IQCM: variants seen among roughly 807,000 people sequenced by gnomAD.
IQCM encodes IQ motif containing M.
Under a neutral mutation model 57.6 loss-of-function variants are expected in IQCM, and 45 were observed. The ratio of observed to expected loss-of-function variants is 0.78; its 90% confidence interval spans 0.62 to 1.00. IQCM has a LOEUF of 1.00. IQCM is among the 50% of genes least tolerant of loss of function. The pLI, the probability that IQCM is intolerant of heterozygous loss-of-function variation, is 0.00. For missense variants in IQCM, 468 were observed against 511.6 expected (o/e 0.91, Z 0.82); for synonymous variants, 148 against 158.9 (o/e 0.93, Z 0.51).
rs144538687 is a variant in IQCM at position 149,643,511 on chromosome 4, C to T, written c.566-22267G>A. On this transcript the variant is annotated intron_variant, in intron 7 of 13. Coordinates refer to ENST00000636793, the MANE Select transcript of IQCM (RefSeq NM_001363507.2). The stretch of plus-strand genomic sequence containing the variant: ...ATTAAAGGTTGGTGAGTAGGTCCAC[C>T]AGGGAGTGAAAGAGATTCTGTTTCT... 9.8e-3 allele frequency among the ~76,000 whole-genome samples: 1,491 copies of T among 152,196 alleles called. 20 individuals are homozygous for T. The highest frequency in any genetic ancestry group is 0.038 in the Admixed American group (578 of 15,268).
At chr4:149,513,714 T>G (rs1268286227) in intron 12 of IQCM, among the ~76,000 whole-genome samples, 1 of 152,178 alleles carries the variant, frequency 6.6e-6, no homozygotes, top group Non-Finnish European at 1.5e-5. Flanking sequence ...AAAATGAATG[T>G]TACCATCATG....
At chr4:149,707,078 A>G (rs1323600418) in intron 5 of IQCM, among the ~76,000 whole-genome samples, 1 of 151,992 alleles carries the variant, frequency 6.6e-6, no homozygotes, top group East Asian at 1.9e-4. Flanking sequence ...AGGAGTGCTC[A>G]TTTCCTGAAA....
At position 149,783,378 on chromosome 4, in the gene IQCM, G is replaced by A. The variant is rs115149770; in HGVS notation, c.-49+31933C>T. On this transcript the variant is annotated intron_variant, in intron 2 of 13. Transcript: ENST00000636793. ...GCTCTCAAAATTATATCTAGAATCT[G>A]ACCACTTCTTATTACCTTCTCCATT... is the stretch of plus-strand genomic sequence containing the variant. 4.4e-3 allele frequency among the ~76,000 whole-genome samples: 673 copies of A among 152,136 alleles called. 5 individuals are homozygous for A. Among genetic ancestry groups the A allele is most frequent in the African/African-American group, 0.015 (641 of 41,502 alleles).
At chr4:149,765,979 C>G (rs183708685) in intron 2 of IQCM, among the ~76,000 whole-genome samples, 1 of 152,150 alleles carries the variant, frequency 6.6e-6, no homozygotes, top group Non-Finnish European at 1.5e-5. Flanking sequence ...CATTTCCTAG[C>G]CCCCTGCCCG....
intron 7 of IQCM, among the ~76,000 whole-genome samples, chr4:149,673,446 A>G (rs1397232429): frequency 6.6e-6 from 1 of 152,132 alleles, no homozygotes; most frequent in Non-Finnish European, 1.5e-5. Flanking sequence ...AGCAAATGGA[A>G]AACAAAAAAA....
At chr4:149,728,452 A>G (rs768074588) in intron 5 of IQCM, among the ~76,000 whole-genome samples, 1 of 152,192 alleles carries the variant, frequency 6.6e-6, no homozygotes, top group Non-Finnish European at 1.5e-5. Flanking sequence ...TATTCTCTGC[A>G]CTGAGCTTTG....
intron 8 of IQCM, among the ~76,000 whole-genome samples, chr4:149,601,660 A>G (rs1342816702): frequency 6.6e-6 from 1 of 152,220 alleles, no homozygotes; most frequent in African/African-American, 2.4e-5. Context: ...GAGGGTCAAC[A>G]TTTAGTATAC....
intron 12 of IQCM, among the ~76,000 whole-genome samples, chr4:149,438,623 A>G (rs1313245100): frequency 4.6e-5 from 7 of 152,094 alleles, no homozygotes; most frequent in Non-Finnish European, 8.8e-5. Context: ...TTCATTAGTA[A>G]TATTTAAAAA....
At chr4:149,444,772 A>C (rs1272374276) in intron 12 of IQCM, among the ~76,000 whole-genome samples, 2 of 151,986 alleles carry the variant, frequency 1.3e-5, no homozygotes, top group East Asian at 1.9e-4. Context: ...AATTGAGAGA[A>C]GATATTAGTT....
intron 7 of IQCM, among the ~76,000 whole-genome samples, chr4:149,673,444 G>C (rs1402376058): frequency 6.6e-6 from 1 of 151,574 alleles, no homozygotes; most frequent in Non-Finnish European, 1.5e-5. Flanking sequence ...CAAGCAAATG[G>C]AAAACAAAAA....
intron 2 of IQCM, among the ~76,000 whole-genome samples, chr4:149,763,187 C>G (rs1769703868): frequency 6.6e-6 from 1 of 151,838 alleles, no homozygotes; most frequent in Non-Finnish European, 1.5e-5. Context: ...ATAATGTGGA[C>G]AGCATATTAT....
intron 8 of IQCM, among the ~76,000 whole-genome samples, chr4:149,591,499 C>A (rs144884688): frequency 0.017 from 2,602 of 151,634 alleles, 76 homozygotes; most frequent in African/African-American, 0.06. Context: ...ATGTGCACAA[C>A]GTGCAGGTTT....
At chr4:149,461,131 G>A (rs919727793) in intron 12 of IQCM, among the ~76,000 whole-genome samples, 6 of 151,696 alleles carry the variant, frequency 4.0e-5, no homozygotes, top group East Asian at 3.9e-4. Context: ...CTACTCAGGC[G>A]GCTGAGGCAG....
chr4:149,452,766 T>C (rs896934083), intron 12 of IQCM, among the ~76,000 whole-genome samples: 6 of 151,562 alleles, frequency 4.0e-5, no homozygotes, highest in African/African-American at 1.5e-4. Context: ...ATTGAAAACT[T>C]TGAATAGGTA....
At chr4:149,380,186 A>G (rs1037346515) in intron 13 of IQCM, among the ~76,000 whole-genome samples, 2 of 152,070 alleles carry the variant, frequency 1.3e-5, no homozygotes, top group Non-Finnish European at 2.9e-5. Flanking sequence ...CAAGAAAACC[A>G]GGACTAAGAA....
chr4:149,574,960 C>G (rs1751498325), intron 9 of IQCM, among the ~76,000 whole-genome samples: 2 of 151,936 alleles, frequency 1.3e-5, no homozygotes, highest in Admixed American at 1.3e-4. Context: ...CCTCCCTCCC[C>G]CAATTCCTCT....
intron 12 of IQCM, among the ~76,000 whole-genome samples, chr4:149,483,197 TTTTC>T (rs1435979056): frequency 1.3e-5 from 2 of 151,876 alleles, no homozygotes; most frequent in African/African-American, 2.4e-5. Context: ...GGTTTGTTGA[TTTTC>T]TTTATCTTTG....
At chr4:149,568,737 C>T (rs1393521124) in intron 9 of IQCM, among the ~76,000 whole-genome samples, 4 of 152,126 alleles carry the variant, frequency 2.6e-5, no homozygotes, top group African/African-American at 7.2e-5. Flanking sequence ...CATGAGTGTG[C>T]CATTGCACTC....
intron 2 of IQCM, among the ~76,000 whole-genome samples, chr4:149,788,514 G>A (rs1201930039): frequency 6.6e-6 from 1 of 152,098 alleles, no homozygotes; most frequent in East Asian, 1.9e-4. Context: ...GTGAGGGTGT[G>A]GAGAAAATGG....
Sources: gnomAD v4.1 joint callset for allele counts (sites outside exome capture counted in the v4.1 genomes callset) on GRCh38, gnomAD v4.1.1 for gene constraint, MANE v1.5 for transcripts, NCBI Gene and HGNC (gene_info 2026-07-23, HGNC 2026-07-21) for gene names.